ITPR2: variants seen among roughly 807,000 people sequenced by gnomAD.
ITPR2 encodes inositol 1,4,5-trisphosphate-gated calcium channel ITPR2.
A neutral mutation model predicts 317.1 loss-of-function variants in ITPR2; 207 were observed. The ratio of observed to expected loss-of-function variants is 0.65; its 90% CI spans 0.58 to 0.73. The LOEUF (loss-of-function observed/expected upper bound fraction) is 0.73, where lower values mean the gene tolerates loss of function less well. Among genes scored for constraint, ITPR2 ranks in the 30% least tolerant of loss-of-function variants. ITPR2 has a pLI of 0.00. For synonymous variants in ITPR2, 1,156 were observed against 1,149.1 expected, an observed-to-expected ratio of 1.01 and a Z score of -0.12; for missense variants, 2,613 against 3,284.0, an observed-to-expected ratio of 0.80 and a Z score of 4.99.
At chr12:26,788,534 G>A in intron 2 of ITPR2, among the ~76,000 whole-genome samples, 1 of 152,114 alleles carries the variant, frequency 6.6e-6, no homozygotes, top group East Asian at 1.9e-4. Flanking sequence ...GTCTAGTGGT[G>A]GATGTGGTTG....
chr12:26,602,753 G>T, intron 26 of ITPR2, 47 bp from the exon 27 acceptor site: 1 of 961,192 alleles, frequency 1.0e-6, no homozygotes, highest in Non-Finnish European at 1.6e-6. Context: ...GTAGCTTTGT[G>T]TTACATTTAT....
intron 49 of ITPR2, among the ~76,000 whole-genome samples, chr12:26,425,686 C>A (rs529800062): frequency 3.6e-5 from 5 of 137,448 alleles, no homozygotes; most frequent in Non-Finnish European, 6.3e-5. Flanking sequence ...AAAAAAAAAA[C>A]GCTCTGAGCT....
rs1943435386 is a variant in ITPR2 at position 26,514,371 on chromosome 12, T to G, written c.5074-19111A>C. On this transcript the variant is annotated intron_variant, in intron 37 of 56. Transcript: ENST00000381340. ...CCCGAAAATGATTTACAGGAGTATT[T>G]ACTGCAGTCATGATGTTTCTAAGCT... 3.3e-5 allele frequency among the ~76,000 whole-genome samples: 5 copies of G among 152,250 alleles called. No individual in the cohort carries two copies. The South Asian group carries it at 8.3e-4, about 25-fold the overall frequency.
At chr12:26,382,664 C>A (rs1026844769) in intron 55 of ITPR2, among the ~76,000 whole-genome samples, 1 of 151,416 alleles carries the variant, frequency 6.6e-6, no homozygotes, top group African/African-American at 2.4e-5. Flanking sequence ...GAATTTGTCA[C>A]ACACACACAC....
Position 26,656,452 on chromosome 12 carries a change from C to T in ITPR2, c.2289G>A (p.Arg763=). ...STQLSVDLIL[R]CVSDESLPFD... ...ACGGCAGGCTCTCATCCGACACACA[C>T]CGCAGGATCAGGTCTACAGACAGCT... The change falls in exon 19 of 57, where the codon CGG becomes CGA. Residue 763 remains arginine (R), a synonymous_variant. Transcript: ENST00000381340. 6.2e-7 allele frequency: 1 copy of T among 1,614,228 alleles called. No homozygotes were observed. The highest frequency in any genetic ancestry group is 8.5e-7 in the Non-Finnish European group (1 of 1,180,042).
chr12:26,530,475 T>G (rs1440412457), intron 37 of ITPR2, among the ~76,000 whole-genome samples: 1 of 152,248 alleles, frequency 6.6e-6, no homozygotes, highest in Non-Finnish European at 1.5e-5. Context: ...CTGGAGATTT[T>G]TACTTTCTTG....
At chr12:26,639,932 C>A (rs1308853352) in intron 21 of ITPR2, among the ~76,000 whole-genome samples, 1 of 152,074 alleles carries the variant, frequency 6.6e-6, no homozygotes, top group Non-Finnish European at 1.5e-5. Flanking sequence ...AATAAACATA[C>A]ATGTGCATGT....
intron 1 of ITPR2, among the ~76,000 whole-genome samples, chr12:26,826,264 T>A (rs1483791660): frequency 6.6e-6 from 1 of 152,082 alleles, no homozygotes; most frequent in African/African-American, 2.4e-5. Context: ...GGAAAATATT[T>A]TTAAAACTGT....
rs373065728 is a variant in ITPR2, at chr12:26,622,378, G to T, written c.3150C>A (p.Asp1050Glu). Residue 1050 changes from aspartate (D) to glutamate (E), a missense_variant, in exon 25 of 57, where the codon GAC becomes GAA. Around this residue, in one of 9 missense-constraint regions of ITPR2, gnomAD observed 817 missense variants for 897.6 expected, o/e 0.91. Coordinates refer to ENST00000381340, the MANE Select transcript of ITPR2 (RefSeq NM_002223.4). The part of the protein sequence containing the change: ...GRKEKNPVQL[D>E]DEGGRTFLRV... ...GTAAAAACGTCCTGCCTCCTTCATCGTCAAGTTGAACTGGATTTTTTTCTT... is the reference window on the plus strand; with the variant it reads ...GTAAAAACGTCCTGCCTCCTTCATCTTCAAGTTGAACTGGATTTTTTTCTT... 1 of 1,604,582 alleles carries T rather than the reference G, an allele frequency of 6.2e-7. No individual in the cohort carries two copies. The highest frequency in any genetic ancestry group is 8.5e-7 in the Non-Finnish European group (1 of 1,177,096).
chr12:26,617,947 C>T (rs116659369), intron 26 of ITPR2, among the ~76,000 whole-genome samples: 5 of 151,902 alleles, frequency 3.3e-5, no homozygotes, highest in South Asian at 2.1e-4. Context: ...AAAGTTACTA[C>T]GGTAGAAGCT....
At chr12:26,820,858 A>G (rs1950927652) in intron 1 of ITPR2, among the ~76,000 whole-genome samples, 1 of 152,204 alleles carries the variant, frequency 6.6e-6, no homozygotes, top group African/African-American at 2.4e-5. Flanking sequence ...ATTAAGTAAA[A>G]CAAGCCAGAC....
intron 55 of ITPR2, among the ~76,000 whole-genome samples, chr12:26,356,525 C>T (rs1565486037): frequency 6.6e-6 from 1 of 152,160 alleles, no homozygotes; most frequent in Admixed American, 6.5e-5. Context: ...ACACAAAAGG[C>T]ACAAGGTGTT....
chr12:26,662,086 T>C (rs1947517439), intron 15 of ITPR2, among the ~76,000 whole-genome samples: 1 of 152,210 alleles, frequency 6.6e-6, no homozygotes, highest in Non-Finnish European at 1.5e-5. Context: ...TTCCTTGCCA[T>C]ATTATTTATC....
At chr12:26,494,557 G>T (rs1942889301) in intron 38 of ITPR2, among the ~76,000 whole-genome samples, 1 of 151,934 alleles carries the variant, frequency 6.6e-6, no homozygotes, top group African/African-American at 2.4e-5. Flanking sequence ...ATCACTTGAG[G>T]TCAGGAGTCT....
intron 10 of ITPR2, among the ~76,000 whole-genome samples, chr12:26,689,056 G>A (rs1461594437): frequency 6.6e-6 from 1 of 152,108 alleles, no homozygotes; most frequent in African/African-American, 2.4e-5. Flanking sequence ...CTTGACTAGA[G>A]TAACATTTTA....
At position 26,772,492 on chromosome 12, in the gene ITPR2, A is replaced by ATG. The variant is rs1284999776; in HGVS notation, c.163+17664_163+17665insCA. On this transcript the variant is annotated intron_variant, in intron 2 of 56. Coordinates refer to ENST00000381340, the MANE Select transcript of ITPR2 (RefSeq NM_002223.4). ...GTATTATATATAATATATATAATAC[A>ATG]TATAATACATGTATTATATATAATA... 1.4e-3 allele frequency among the ~76,000 whole-genome samples: 137 copies of ATG among 101,398 alleles called. 1 individual carries two copies. The highest frequency in any genetic ancestry group is 2.4e-3 in the Non-Finnish European group (103 of 42,412). 66.5% of individuals were successfully genotyped at this position (101,398 alleles called of 152,430 possible).
intron 37 of ITPR2, among the ~76,000 whole-genome samples, chr12:26,509,747 T>G (rs1015782100): frequency 6.6e-6 from 1 of 152,174 alleles, no homozygotes; most frequent in Non-Finnish European, 1.5e-5. Flanking sequence ...TGGAACTGTT[T>G]GAGTCTTGAC....
intron 52 of ITPR2, among the ~76,000 whole-genome samples, chr12:26,407,057 C>T (rs1422144291): frequency 1.3e-5 from 2 of 152,170 alleles, no homozygotes; most frequent in East Asian, 3.9e-4. Context: ...TCCTCGCTTT[C>T]CTCCCTACTC....
intron 15 of ITPR2, among the ~76,000 whole-genome samples, chr12:26,660,803 G>A (rs182294072): frequency 2.0e-4 from 30 of 152,066 alleles, no homozygotes; most frequent in Admixed American, 7.2e-4. Context: ...TGAAATTAGA[G>A]GTGGTATCAA....
Sources: allele counts gnomAD v4.1 joint callset (sites outside exome capture counted in the v4.1 genomes callset), GRCh38; gene constraint gnomAD v4.1.1; regional missense constraint gnomAD v4.1.1; transcripts MANE v1.5; gene names NCBI Gene and HGNC (gene_info 2026-07-23, HGNC 2026-07-21).